Variants in NBPF15 observed in about 807,000 individuals in gnomAD.
NBPF15 encodes NBPF family member NBPF15.
NBPF15 carries 74 observed loss-of-function variants against 62.2 expected under a neutral mutation model. The ratio of observed to expected loss-of-function variants is 1.19; its 90% CI spans 0.99 to 1.44. The LOEUF (loss-of-function observed/expected upper bound fraction) is 1.44. Among genes scored for constraint, NBPF15 ranks in the 40% most tolerant of loss-of-function variants. The pLI is 0.00. For missense variants in NBPF15, 790 were observed against 550.0 expected, an observed-to-expected ratio of 1.44 and a Z score of -4.36; for synonymous variants, 244 against 209.7, an observed-to-expected ratio of 1.16 and a Z score of -1.41.
intron 13 of NBPF15, among the ~76,000 whole-genome samples, chr1:144,431,737 G>A (rs1674516972): frequency 2.3e-5 from 3 of 128,720 alleles, no homozygotes; most frequent in Non-Finnish European, 3.2e-5. Flanking sequence ...GTAAGAACAT[G>A]CGGTATTTGG....
chr1:144,458,932 T>A (rs1361880143), intron 3 of NBPF15, among the ~76,000 whole-genome samples: 6 of 151,532 alleles, frequency 4.0e-5, no homozygotes, highest in Admixed American at 1.3e-4. Flanking sequence ...TCGCAGCTAC[T>A]CAGGAGGCTG....
chr1:144,457,243 G>A (rs587721196), intron 3 of NBPF15, among the ~76,000 whole-genome samples: 1 of 152,074 alleles, frequency 6.6e-6, no homozygotes, highest in Admixed American at 6.6e-5. Flanking sequence ...TAGTGAACAA[G>A]AATTCGATTC....
At chr1:144,453,541 C>G (rs1692509211) in intron 4 of NBPF15, among the ~76,000 whole-genome samples, 2 of 145,542 alleles carry the variant, frequency 1.4e-5, no homozygotes, top group South Asian at 4.4e-4. Flanking sequence ...ATGGAAAAAG[C>G]AAGTCACAGA....
intron 13 of NBPF15, among the ~76,000 whole-genome samples, chr1:144,432,745 A>G (rs2101924249): frequency 6.6e-6 from 1 of 152,236 alleles, no homozygotes; most frequent in South Asian, 2.1e-4. Flanking sequence ...GATCAATTCA[A>G]CAAGAGTTAA....
At position 144,440,125 on chromosome 1, in the gene NBPF15, G is replaced by T. The variant is rs1553542340; in HGVS notation, c.-36+16C>A. On this transcript the variant is annotated intron_variant, in intron 7 of 21. Coordinates refer to ENST00000581897, the MANE Select transcript of NBPF15 (RefSeq NM_001385408.1). ...TCAGGACTGAGGGATGTAAGTAACTGAAATTCTTAACTTACTGTTGTCAAA... is the reference window on the plus strand; with the variant it reads ...TCAGGACTGAGGGATGTAAGTAACTTAAATTCTTAACTTACTGTTGTCAAA... 1.9e-6 allele frequency: 3 copies of T among 1,580,768 alleles called. No homozygotes were observed. The African/African-American group carries it at 4.0e-5, about 21-fold the overall frequency.
At chr1:144,456,237 G>C (rs1376930239) in intron 4 of NBPF15, among the ~76,000 whole-genome samples, 1 of 147,782 alleles carries the variant, frequency 6.8e-6, no homozygotes, top group African/African-American at 2.5e-5. Context: ...AGAATGGGGG[G>C]TAAGAGGGGA....
At position 144,455,898 on chromosome 1, in the gene NBPF15, A is replaced by G. The variant is rs201904649; in HGVS notation, c.-432+639T>C. ...CCATGAATGCTCAGTGAAAGAAGGC[A>G]TCCACCACAAGGTCCTGGGGAACCA... is the stretch of plus-strand genomic sequence containing the variant. On this transcript the variant is annotated intron_variant, in intron 4 of 21. Transcript: ENST00000581897. 9.2e-4 allele frequency among the ~76,000 whole-genome samples: 140 copies of G among 152,106 alleles called. 2 individuals are homozygous for G. Among genetic ancestry groups the G allele is most frequent in the East Asian group, 4.9e-3 (25 of 5,152 alleles).
At chr1:144,432,718 C>T (rs1453384784) in intron 13 of NBPF15, among the ~76,000 whole-genome samples, 31 of 151,800 alleles carry the variant, frequency 2.0e-4, no homozygotes, top group Admixed American at 4.6e-4. Context: ...AAGAAGGCCA[C>T]TACATAATGG....
chr1:144,431,035 A>G (rs1321531625), intron 13 of NBPF15, among the ~76,000 whole-genome samples: 2 of 151,906 alleles, frequency 1.3e-5, no homozygotes, highest in African/African-American at 4.8e-5. Context: ...AAAAAAGAGT[A>G]AAAAGAAATG....
chr1:144,441,723 A>C (rs1683047348), intron 6 of NBPF15, among the ~76,000 whole-genome samples: 1 of 151,322 alleles, frequency 6.6e-6, no homozygotes, highest in African/African-American at 2.4e-5. Context: ...TCATGAAACT[A>C]TTTCCTATTT....
In NBPF15 at chr1:144,426,388, C is replaced by T. The variant is rs1236150416; in HGVS notation, c.1328G>A (p.Cys443Tyr). The T allele has an allele frequency of 8.4e-6, 7 of 832,846 alleles. No individual in the cohort carries two copies. The highest frequency in any genetic ancestry group is 1.5e-5 in the Non-Finnish European group (7 of 468,452). 51.6% of individuals were successfully genotyped at this position (832,846 alleles called of 1,614,324 possible). The change falls in exon 18 of 22, where the codon TGT becomes TAT. Residue 443 changes from cysteine to tyrosine, a missense_variant. Cys to Tyr is a radical substitution (Grantham distance 194, BLOSUM62 -2). Coordinates refer to ENST00000581897, the MANE Select transcript of NBPF15 (RefSeq NM_001385408.1). The part of the protein sequence containing the change: ...PEVLQDSLDR[C>Y]YSTPSDYLEL... ...AAGATAATCTGAAGGAGTCGAATAA[C>T]ATCTATCCAGTGAGTCCTGCAAGAC...
At chr1:144,431,294 G>T (rs1367196380) in intron 13 of NBPF15, among the ~76,000 whole-genome samples, 3 of 150,568 alleles carry the variant, frequency 2.0e-5, no homozygotes, top group Non-Finnish European at 2.9e-5. Context: ...AGGTTGAAAT[G>T]AAGGAAAAAA....
chr1:144,444,184 T>C (rs1428117457), intron 6 of NBPF15, among the ~76,000 whole-genome samples: 1 of 150,416 alleles, frequency 6.6e-6, no homozygotes, highest in African/African-American at 2.5e-5. Flanking sequence ...TGAACATCCA[T>C]ACGTGGCAGG....
chr1:144,427,292 T>G (rs1670448441), intron 16 of NBPF15, among the ~76,000 whole-genome samples, 194 bp from the exon 17 acceptor site: 1 of 139,452 alleles, frequency 7.2e-6, no homozygotes, highest in African/African-American at 2.8e-5. Context: ...AAACTGTGGG[T>G]AAAATTCCCT....
In NBPF15 at chr1:144,447,981, C is replaced by T. The variant is rs1293760774; in HGVS notation, c.-191+794G>A. Among the ~76,000 whole-genome samples the T allele has an allele frequency of 1.1e-4, 17 of 152,184 alleles. 1 individual carries two copies. Among genetic ancestry groups the T allele is most frequent in the South Asian group, 2.1e-4 (1 of 4,818 alleles). On this transcript the variant is annotated intron_variant, in intron 6 of 21. Transcript: ENST00000581897. ...AGTCAGGGGCAGCATCAGCCACTGT[C>T]GGCTGCTCATTTGTCCAGACAGAGC...
In NBPF15 at chr1:144,453,638, CAAAAAAA is replaced by C. The variant is rs200525708; in HGVS notation, c.-431-2775_-431-2769del. Reference sequence around the variant, plus strand: ...ATTCTGAGAACTAAACAACACAAAGCAAAAAAAAAAAAAAAAAAAAAAAAGTGAAACA... The same window carrying C: ...ATTCTGAGAACTAAACAACACAAAGCAAAAAAAAAAAAAAAAAGTGAAACA... On this transcript the variant is annotated intron_variant, in intron 4 of 21. Coordinates refer to ENST00000581897, the MANE Select transcript of NBPF15 (RefSeq NM_001385408.1). 4.3e-3 allele frequency among the ~76,000 whole-genome samples: 158 copies of C among 36,412 alleles called. 1 individual carries two copies. Among genetic ancestry groups the C allele is most frequent in the African/African-American group, 7.7e-3 (118 of 15,414 alleles). 23.9% of individuals were successfully genotyped at this position (36,412 alleles called of 152,430 possible).
chr1:144,443,923 C>T (rs1553543367), intron 6 of NBPF15, among the ~76,000 whole-genome samples: 4 of 150,874 alleles, frequency 2.7e-5, no homozygotes, highest in Non-Finnish European at 3.0e-5. Flanking sequence ...CCTTTCAACC[C>T]TCAGCCCCAA....
rs1301573216 is a variant in NBPF15, at chr1:144,456,341, C to T, written c.-432+196G>A. 2.5e-4 allele frequency among the ~76,000 whole-genome samples: 38 copies of T among 152,094 alleles called. 2 individuals are homozygous for T. The highest frequency in any genetic ancestry group is 5.8e-4 in the African/African-American group (24 of 41,488). ...AGGTAAAATCACTTCCACCTGACGA[C>T]GGCACTGCAGGTCGAGGGTGGCACA... On this transcript the variant is annotated intron_variant, in intron 4 of 21. Transcript: ENST00000581897.
chr1:144,427,290 G>T (rs1376237976), intron 16 of NBPF15, among the ~76,000 whole-genome samples, 192 bp from the exon 17 acceptor site: 9 of 140,554 alleles, frequency 6.4e-5, no homozygotes, highest in Non-Finnish European at 1.1e-4. Context: ...AGAAACTGTG[G>T]GTAAAATTCC....
Sources: gnomAD v4.1 joint callset for allele counts (sites outside exome capture counted in the v4.1 genomes callset) on GRCh38, gnomAD v4.1.1 for gene constraint, MANE v1.5 for transcripts, NCBI Gene and HGNC (gene_info 2026-07-23, HGNC 2026-07-21) for gene names.